Variants in STK33 observed in about 807,000 individuals in gnomAD.
STK33 encodes serine/threonine kinase 33, also known as serine/threonine-protein kinase 33.
Under a neutral mutation model 58.0 loss-of-function variants are expected in STK33, and 52 were observed. The observed-to-expected ratio is 0.90, with a 90% CI of 0.72 to 1.13. The LOEUF (loss-of-function observed/expected upper bound fraction) is 1.13. STK33 is among the 50% of genes most tolerant of loss of function. The pLI is 0.00. For missense variants in STK33, 630 were observed against 604.2 expected (o/e 1.04, Z -0.45); for synonymous variants, 215 against 200.1 (o/e 1.07, Z -0.63).
In STK33 at chr11:8,454,613, T is replaced by C. The variant is rs541786922; in HGVS notation, c.786+131A>G. On this transcript the variant is annotated intron_variant, in intron 10 of 15. Coordinates refer to ENST00000687296, the MANE Select transcript of STK33 (RefSeq NM_001352389.2). ...GTTACAACCTCTTGTGAAATTTTTATTTTTTAGCACAAGCCACTTATTTTC... is the reference window on the plus strand; with the variant it reads ...GTTACAACCTCTTGTGAAATTTTTACTTTTTAGCACAAGCCACTTATTTTC... 5 of 1,140,338 alleles carry C rather than the reference T, an allele frequency of 4.4e-6. No individual in the cohort carries two copies. In the East Asian group the frequency reaches 1.6e-4, roughly 37 times the overall value. 70.6% of individuals were successfully genotyped at this position (1,140,338 alleles called of 1,614,324 possible).
At chr11:8,436,767 G>A (rs921141781) in intron 12 of STK33, among the ~76,000 whole-genome samples, 2 of 152,062 alleles carry the variant, frequency 1.3e-5, no homozygotes, top group African/African-American at 4.8e-5. Flanking sequence ...GTGCAATCTC[G>A]GCTCACTGCA....
intron 1 of STK33, among the ~76,000 whole-genome samples, chr11:8,485,207 T>C (rs1389406893): frequency 1.3e-5 from 2 of 152,168 alleles, no homozygotes; most frequent in African/African-American, 4.8e-5. Flanking sequence ...AGGTTATAAG[T>C]TTATAATTTC....
intron 7 of STK33, among the ~76,000 whole-genome samples, chr11:8,463,391 C>T (rs1177981986): frequency 6.6e-6 from 1 of 152,158 alleles, no homozygotes; most frequent in Non-Finnish European, 1.5e-5. Context: ...GAATCTAATG[C>T]CGCTGCTGAT....
At chr11:8,435,309 G>A (rs1285687743) in intron 14 of STK33, among the ~76,000 whole-genome samples, 185 bp downstream of exon 14, 2 of 152,098 alleles carry the variant, frequency 1.3e-5, no homozygotes, top group Non-Finnish European at 2.9e-5. Context: ...AAACAACTGT[G>A]ACAACAGTTC....
chr11:8,388,539 T>C (rs1347655350), downstream of STK33, among the ~76,000 whole-genome samples: 1 of 152,234 alleles, frequency 6.6e-6, no homozygotes, highest in Non-Finnish European at 1.5e-5. Flanking sequence ...GTGAGACCTT[T>C]GAATAGTAAA....
At chr11:8,518,836 T>G (rs2139729248) in intron 1 of STK33, among the ~76,000 whole-genome samples, 1 of 152,292 alleles carries the variant, frequency 6.6e-6, no homozygotes, top group South Asian at 2.1e-4. Context: ...CCCAGATTCA[T>G]AAAGCAAGTC....
chr11:8,392,423 A>G lies in STK33; in HGVS notation c.*87T>C. The G allele has an allele frequency of 2.0e-6, 3 of 1,473,792 alleles. No individual in the cohort carries two copies. The Admixed American group carries it at 5.3e-5, about 26-fold the overall frequency. 91.3% of individuals were successfully genotyped at this position (1,473,792 alleles called of 1,614,324 possible). The stretch of plus-strand genomic sequence containing the variant: ...AGCTAAAAGGCTACAAGCTCAGCAT[A>G]GGGCTGTCTTCTTCCCCTCCTACCC... On this transcript the variant is annotated 3_prime_UTR_variant, in exon 16 of 16. Coordinates refer to ENST00000687296, the MANE Select transcript of STK33 (RefSeq NM_001352389.2).
At chr11:8,525,900 A>C (rs1953977224) in intron 1 of STK33, among the ~76,000 whole-genome samples, 1 of 152,144 alleles carries the variant, frequency 6.6e-6, no homozygotes, top group South Asian at 2.1e-4. Flanking sequence ...AAAAACTGCA[A>C]GGGGGCCTTC....
chr11:8,407,802 C>G (rs1024016402), intron 15 of STK33, among the ~76,000 whole-genome samples: 1 of 151,878 alleles, frequency 6.6e-6, no homozygotes, highest in Non-Finnish European at 1.5e-5. Context: ...ACTTCCAAAA[C>G]GTGGCTAAAG....
intron 1 of STK33, among the ~76,000 whole-genome samples, chr11:8,485,646 A>G (rs1162118214): frequency 6.6e-6 from 1 of 152,226 alleles, no homozygotes; most frequent in Non-Finnish European, 1.5e-5. Context: ...TGACCAGTTT[A>G]ATCACTGAAT....
At chr11:8,368,435 C>A in the STK33 span, among the ~76,000 whole-genome samples, 4 of 152,208 alleles carry the variant, frequency 2.6e-5, no homozygotes, top group African/African-American at 9.6e-5. Flanking sequence ...TGGGCCCTGG[C>A]TACCCCCTCA....
At chr11:8,349,628 A>T in the STK33 span, among the ~76,000 whole-genome samples, 2 of 152,320 alleles carry the variant, frequency 1.3e-5, no homozygotes, top group African/African-American at 2.4e-5. Context: ...AGTTGTCTGG[A>T]GTTGACATCC....
intron 14 of STK33, among the ~76,000 whole-genome samples, chr11:8,421,569 C>T (rs1590919480): frequency 6.6e-6 from 1 of 152,096 alleles, no homozygotes; most frequent in Non-Finnish European, 1.5e-5. Flanking sequence ...AATTTCTTGG[C>T]TATTTTTGAT....
intron 1 of STK33, among the ~76,000 whole-genome samples, chr11:8,565,372 G>C (rs1957380712): frequency 1.3e-5 from 2 of 152,130 alleles, no homozygotes; most frequent in Admixed American, 1.3e-4. Flanking sequence ...ATTTCCCATT[G>C]GATATAAGCC....
chr11:8,378,766 C>CT, the STK33 span, among the ~76,000 whole-genome samples: 4 of 151,948 alleles, frequency 2.6e-5, no homozygotes, highest in Non-Finnish European at 4.4e-5. Flanking sequence ...ACACCAACAT[C>CT]TTTTTTCACA....
At chr11:8,508,673 C>A (rs985708599) in intron 1 of STK33, among the ~76,000 whole-genome samples, 4 of 152,128 alleles carry the variant, frequency 2.6e-5, no homozygotes, top group Admixed American at 2.0e-4. Context: ...TGGTCATGAT[C>A]CAAAGTTTGA....
At chr11:8,450,380 C>T (rs911368793) in intron 11 of STK33, among the ~76,000 whole-genome samples, 8 of 151,638 alleles carry the variant, frequency 5.3e-5, no homozygotes, top group South Asian at 4.2e-4. Flanking sequence ...CACAGGGAGG[C>T]GAACATCACA....
intron 1 of STK33, among the ~76,000 whole-genome samples, chr11:8,561,855 G>A (rs1957134039): frequency 6.6e-6 from 1 of 152,158 alleles, no homozygotes; most frequent in Non-Finnish European, 1.5e-5. Context: ...CCACAGACTT[G>A]AACGCCACCA....
At chr11:8,366,997 T>C in the STK33 span, among the ~76,000 whole-genome samples, 1 of 152,222 alleles carries the variant, frequency 6.6e-6, no homozygotes, top group Non-Finnish European at 1.5e-5. Context: ...AGTGTATTTG[T>C]TATTCTTGTG....
Sources: allele counts gnomAD v4.1 joint callset (sites outside exome capture counted in the v4.1 genomes callset), GRCh38; gene constraint gnomAD v4.1.1; transcripts MANE v1.5; gene names NCBI Gene and HGNC (gene_info 2026-07-23, HGNC 2026-07-21).